Variants in DOCK5 observed in about 807,000 individuals in gnomAD.
DOCK5 encodes the protein dedicator of cytokinesis 5.
Under a neutral mutation model 251.8 loss-of-function variants are expected in DOCK5, and 142 were observed. That is an observed-to-expected ratio of 0.56 (90% CI 0.49 to 0.65). The LOEUF (loss-of-function observed/expected upper bound fraction) is 0.65, where lower values mean the gene tolerates loss of function less well. Ranked by LOEUF, DOCK5 falls within the 30% of genes least tolerant of loss-of-function variation. The pLI is 0.00. For missense variants in DOCK5, 2,111 were observed against 2,312.3 expected (o/e 0.91, Z 1.79); for synonymous variants, 842 against 835.5 (o/e 1.01, Z -0.13).
At chr8:25,226,808 A>C (rs1802546261) in intron 1 of DOCK5, among the ~76,000 whole-genome samples, 1 of 151,606 alleles carries the variant, frequency 6.6e-6, no homozygotes, top group East Asian at 2.0e-4. Context: ...GATGGTCTCG[A>C]TCTCCTGACT....
intron 18 of DOCK5, among the ~76,000 whole-genome samples, chr8:25,328,307 G>C (rs567803161): frequency 6.6e-6 from 1 of 152,186 alleles, no homozygotes; most frequent in African/African-American, 2.4e-5. Flanking sequence ...CTGAGTCAGA[G>C]AGGAGTGAGC....
At chr8:25,409,104 G>A (rs985854727) in intron 50 of DOCK5, among the ~76,000 whole-genome samples, 164 bp downstream of exon 50, 1 of 152,192 alleles carries the variant, frequency 6.6e-6, no homozygotes, top group Non-Finnish European at 1.5e-5. Flanking sequence ...GTTTGGCAAG[G>A]AGGCCACTAG....
intron 2 of DOCK5, among the ~76,000 whole-genome samples, chr8:25,258,351 G>T (rs1214468845): frequency 6.6e-6 from 1 of 152,082 alleles, no homozygotes; most frequent in Non-Finnish European, 1.5e-5. Flanking sequence ...CAGATGTTAT[G>T]GGGTAACAAG....
intron 38 of DOCK5, among the ~76,000 whole-genome samples, 190 bp downstream of exon 38, chr8:25,377,614 G>A (rs1462450752): frequency 6.6e-6 from 1 of 152,188 alleles, no homozygotes; most frequent in Non-Finnish European, 1.5e-5. Context: ...ACAGTTCTGG[G>A]CAACTGGGTA....
chr8:25,243,718 C>T lies in DOCK5; in HGVS notation c.88C>T (p.Gln30Ter). 6.2e-7 allele frequency: 1 copy of T among 1,613,716 alleles called. No individual in the cohort carries two copies. The highest frequency in any genetic ancestry group is 8.5e-7 in the Non-Finnish European group (1 of 1,179,722). Residue 30 changes from glutamine (Q) to a stop codon, truncating the protein, a stop_gained, in exon 2 of 52, where the codon CAG (glutamine) becomes TAG (stop). Transcript: ENST00000276440. LOFTEE classifies it high-confidence loss of function. ...TTCTCAAGATGTGGAGCTCTCCTTG[C>T]AGATCGGTGACACAGTTCACATCCT... is the stretch of plus-strand genomic sequence containing the variant. ...NASQDVELSL[Q>*]IGDTVHILEM...
intron 1 of DOCK5, among the ~76,000 whole-genome samples, chr8:25,234,318 C>T (rs1802740760): frequency 6.6e-6 from 1 of 152,302 alleles, no homozygotes; most frequent in Non-Finnish European, 1.5e-5. Context: ...AGAGTCTTAG[C>T]TCAACAGAGT....
intron 1 of DOCK5, among the ~76,000 whole-genome samples, chr8:25,220,358 C>T (rs1397641759): frequency 1.3e-5 from 2 of 152,122 alleles, no homozygotes; most frequent in Non-Finnish European, 2.9e-5. Context: ...GGACTTCACA[C>T]TTAACTGCCT....
intron 26 of DOCK5, 67 bp downstream of exon 26, chr8:25,345,678 C>T: frequency 1.3e-6 from 2 of 1,575,414 alleles, no homozygotes; most frequent in Non-Finnish European, 1.7e-6. Context: ...ACAGGAGTGA[C>T]TCCGTGGCCT....
intron 29 of DOCK5, 23 bp from the exon 30 acceptor site, chr8:25,364,603 T>C (rs1310568687): frequency 6.4e-7 from 1 of 1,564,922 alleles, no homozygotes; most frequent in South Asian, 1.2e-5. Flanking sequence ...TTGGCTTCTT[T>C]ATCTGGTGTT....
chr8:25,300,485 C>T, intron 8 of DOCK5, 91 bp from the exon 9 acceptor site: 3 of 1,173,420 alleles, frequency 2.6e-6, no homozygotes, highest in African/African-American at 1.5e-5. Context: ...TCTGGCCTTT[C>T]CTCCTTCCCT....
intron 18 of DOCK5, among the ~76,000 whole-genome samples, chr8:25,325,925 A>G (rs895493429): frequency 6.6e-6 from 1 of 152,134 alleles, no homozygotes; most frequent in East Asian, 1.9e-4. Context: ...AAAGAAATAT[A>G]ATCAGTTTCC....
At chr8:25,320,211 A>G (rs1044213370) in intron 15 of DOCK5, among the ~76,000 whole-genome samples, 1 of 152,178 alleles carries the variant, frequency 6.6e-6, no homozygotes, top group African/African-American at 2.4e-5. Context: ...CCCAAACTAG[A>G]GTCCACTTCT....
intron 42 of DOCK5, among the ~76,000 whole-genome samples, chr8:25,391,197 CTGTGTG>C (rs760981712): frequency 0.15 from 3,322 of 22,616 alleles, 127 homozygotes; most frequent in African/African-American, 0.16. Flanking sequence ...ACCACCACAC[CTGTGTG>C]TGTGTGTGTG....
intron 1 of DOCK5, 26 bp downstream of exon 1, chr8:25,184,977 G>A (rs1185129522): frequency 3.7e-6 from 5 of 1,354,536 alleles, no homozygotes; most frequent in South Asian, 2.0e-5. Flanking sequence ...ACCTTGTCCC[G>A]GCCCGACCCA....
chr8:25,226,700 C>T (rs577255671), intron 1 of DOCK5, among the ~76,000 whole-genome samples: 2 of 151,980 alleles, frequency 1.3e-5, no homozygotes, highest in South Asian at 4.1e-4. Context: ...ACTCTCCTGC[C>T]TCAGCCTCCT....
Position 25,184,721 on chromosome 8 carries a change from C to G in DOCK5, c.-188C>G, listed in dbSNP as rs1354642462. The G allele has an allele frequency of 3.6e-6, 1 of 278,474 alleles. No individual in the cohort carries two copies. The highest frequency in any genetic ancestry group is 6.0e-6 in the Non-Finnish European group (1 of 166,324). 17.3% of individuals were successfully genotyped at this position (278,474 alleles called of 1,614,324 possible). ...CGCTGCAGCCCGGCCCAGCAGGTGA[C>G]CGCGGGCGGCGCGGGCACGGGCACG... On this transcript the variant is annotated 5_prime_UTR_variant, in exon 1 of 52. Transcript: ENST00000276440.
chr8:25,347,317 C>T (rs1170190297), intron 26 of DOCK5, among the ~76,000 whole-genome samples: 1 of 152,206 alleles, frequency 6.6e-6, no homozygotes, highest in African/African-American at 2.4e-5. Flanking sequence ...ATCTCTGTCC[C>T]TCCACTTCCC....
chr8:25,206,001 A>G (rs998418979), intron 1 of DOCK5, among the ~76,000 whole-genome samples: 1 of 152,212 alleles, frequency 6.6e-6, no homozygotes, highest in Non-Finnish European at 1.5e-5. Context: ...AAGGCTGAAC[A>G]TGAAAAAAGT....
At chr8:25,232,618 A>G (rs1183479427) in intron 1 of DOCK5, among the ~76,000 whole-genome samples, 1 of 152,166 alleles carries the variant, frequency 6.6e-6, no homozygotes, top group Non-Finnish European at 1.5e-5. Flanking sequence ...TGCATGGTAC[A>G]AAAAGGGCAA....
Sources: gnomAD v4.1 joint callset for allele counts (sites outside exome capture counted in the v4.1 genomes callset) on GRCh38, gnomAD v4.1.1 for gene constraint, MANE v1.5 for transcripts, NCBI Gene and HGNC (gene_info 2026-07-23, HGNC 2026-07-21) for gene names.